The following THEMIS variants were observed in gnomAD, a reference collection of about 807,000 sequenced individuals.
THEMIS encodes the protein thymocyte selection associated.
In THEMIS, 37 loss-of-function variants were observed where a neutral mutation model predicts 52.6. That is an observed-to-expected ratio of 0.70 (90% CI 0.54 to 0.93). The LOEUF is 0.93. Among genes scored for constraint, THEMIS ranks in the 40% least tolerant of loss-of-function variants. The pLI, the probability that THEMIS is intolerant of heterozygous loss-of-function variation, is 0.00. For missense variants in THEMIS, 808 were observed against 763.1 expected (o/e 1.06, Z -0.69); for synonymous variants, 292 against 272.7 (o/e 1.07, Z -0.70).
At chr6:127,800,745 A>G (rs1251776735) in intron 4 of THEMIS, among the ~76,000 whole-genome samples, 2 of 152,194 alleles carry the variant, frequency 1.3e-5, no homozygotes, top group African/African-American at 4.8e-5. Flanking sequence ...AGACTGACCT[A>G]GCTTCCCAGC....
intron 3 of THEMIS, among the ~76,000 whole-genome samples, chr6:127,814,938 C>T (rs1204892461): frequency 1.3e-5 from 2 of 152,140 alleles, no homozygotes; most frequent in African/African-American, 4.8e-5. Flanking sequence ...GGGAGGACTG[C>T]TTCAGCCCAG....
chr6:127,868,186 C>T (rs757841378), intron 1 of THEMIS, among the ~76,000 whole-genome samples: 4 of 152,024 alleles, frequency 2.6e-5, no homozygotes, highest in East Asian at 1.9e-4. Flanking sequence ...TGCATAGCCC[C>T]GCCCCTGGCA....
intron 1 of THEMIS, among the ~76,000 whole-genome samples, chr6:127,896,435 A>G (rs1780969922): frequency 6.6e-6 from 1 of 151,524 alleles, no homozygotes; most frequent in African/African-American, 2.4e-5. Flanking sequence ...ATCTGAAAAA[A>G]TACAAGATCT....
chr6:127,874,674 A>T (rs558021793), intron 1 of THEMIS, among the ~76,000 whole-genome samples: 2 of 152,338 alleles, frequency 1.3e-5, no homozygotes, highest in East Asian at 3.9e-4. Flanking sequence ...CATTATACAC[A>T]CACAAATATT....
At chr6:127,853,231 G>A (rs1209241725) in intron 2 of THEMIS, among the ~76,000 whole-genome samples, 1 of 151,622 alleles carries the variant, frequency 6.6e-6, no homozygotes, top group East Asian at 1.9e-4. Context: ...TAAATGCAAT[G>A]ATTAAGGCAC....
At chr6:127,853,855 G>C (rs1225346248) in intron 2 of THEMIS, among the ~76,000 whole-genome samples, 1 of 151,556 alleles carries the variant, frequency 6.6e-6, no homozygotes, top group Non-Finnish European at 1.5e-5. Flanking sequence ...ACTTGTCAAA[G>C]TTATTCAGCT....
chr6:127,916,103 C>T (rs1470675872), intron 1 of THEMIS, among the ~76,000 whole-genome samples: 2 of 151,586 alleles, frequency 1.3e-5, no homozygotes, highest in South Asian at 4.2e-4. Context: ...CAAAATTAAC[C>T]CTATATTTGT....
intron 2 of THEMIS, among the ~76,000 whole-genome samples, chr6:127,833,140 TA>T (rs369010013): frequency 1.1e-4 from 16 of 151,640 alleles, no homozygotes; most frequent in Admixed American, 4.6e-4. Flanking sequence ...CATTGTTCAT[TA>T]AAAAAAACAC....
chr6:127,902,708 T>A (rs1781174256), upstream of THEMIS, among the ~76,000 whole-genome samples: 1 of 152,042 alleles, frequency 6.6e-6, no homozygotes, highest in Admixed American at 6.6e-5. Context: ...CACTGGCAAC[T>A]TTTTTGTCCA....
At chr6:127,867,414 A>G (rs2114364767) in intron 1 of THEMIS, among the ~76,000 whole-genome samples, 1 of 152,222 alleles carries the variant, frequency 6.6e-6, no homozygotes, top group Non-Finnish European at 1.5e-5. Flanking sequence ...AGGATCTAGG[A>G]CTTTTTATGT....
Position 127,750,207 on chromosome 6 carries a change from T to C in THEMIS, c.1759-30384A>G, listed in dbSNP as rs1252560096. On this transcript the variant is annotated intron_variant, in intron 4 of 5. Transcript: ENST00000368248. ...AGAAAAATTACTGATATTTCTACTC[T>C]AATTAATAACATATTCTGGCCACCT... 2.0e-5 allele frequency among the ~76,000 whole-genome samples: 3 copies of C among 151,662 alleles called. No homozygotes were observed. The East Asian group carries it at 5.8e-4, about 29-fold the overall frequency.
chr6:127,764,402 A>G (rs998203074), intron 4 of THEMIS, among the ~76,000 whole-genome samples: 4 of 151,998 alleles, frequency 2.6e-5, no homozygotes, highest in African/African-American at 9.7e-5. Flanking sequence ...AACATTAAAA[A>G]GTGGTTAGGA....
intron 1 of THEMIS, among the ~76,000 whole-genome samples, chr6:127,883,877 A>G (rs937675613): frequency 6.6e-6 from 1 of 152,140 alleles, no homozygotes; most frequent in African/African-American, 2.4e-5. Context: ...TTCAGTTTAC[A>G]GTTACAGGAC....
At chr6:127,900,029 CAGTTA>C (rs1781091203) in intron 1 of THEMIS, among the ~76,000 whole-genome samples, 1 of 151,390 alleles carries the variant, frequency 6.6e-6, no homozygotes, top group Middle Eastern at 3.4e-3. Context: ...TGCCTACCAA[CAGTTA>C]AGTTATTTTC....
intron 1 of THEMIS, among the ~76,000 whole-genome samples, chr6:127,886,321 T>C (rs1054075859): frequency 1.3e-5 from 2 of 152,156 alleles, no homozygotes; most frequent in East Asian, 3.9e-4. Context: ...AAATGGATTA[T>C]AGACCCAAAG....
intron 4 of THEMIS, among the ~76,000 whole-genome samples, chr6:127,736,489 C>T (rs576107407): frequency 6.6e-6 from 1 of 152,188 alleles, no homozygotes; most frequent in African/African-American, 2.4e-5. Context: ...TTTTCTAACA[C>T]CCAGATCTAG....
At chr6:127,736,496 C>A (rs983240740) in intron 4 of THEMIS, among the ~76,000 whole-genome samples, 1 of 152,128 alleles carries the variant, frequency 6.6e-6, no homozygotes, top group Non-Finnish European at 1.5e-5. Context: ...ACACCCAGAT[C>A]TAGCCCCCGG....
At chr6:127,854,247 G>A (rs1318594136) in intron 2 of THEMIS, among the ~76,000 whole-genome samples, 1 of 151,796 alleles carries the variant, frequency 6.6e-6, no homozygotes, top group Non-Finnish European at 1.5e-5. Context: ...CCATAGCCAT[G>A]CTCATTGGTT....
chr6:127,899,265 T>G (rs560829450), intron 1 of THEMIS, among the ~76,000 whole-genome samples: 39 of 151,980 alleles, frequency 2.6e-4, no homozygotes, highest in Admixed American at 2.5e-3. Flanking sequence ...ATAAAAACAT[T>G]TTTAAAGTCT....
Sources: allele counts gnomAD v4.1 joint callset (sites outside exome capture counted in the v4.1 genomes callset), GRCh38; gene constraint gnomAD v4.1.1; transcripts MANE v1.5; gene names NCBI Gene and HGNC (gene_info 2026-07-23, HGNC 2026-07-21).